DLGAP2: variants seen among roughly 807,000 people sequenced by gnomAD.
DLGAP2 encodes DLG associated protein 2.
Under a neutral mutation model 100.3 loss-of-function variants are expected in DLGAP2, and 26 were observed. The observed-to-expected ratio is 0.26, with a 90% CI of 0.19 to 0.36. The LOEUF is 0.36. Ranked by LOEUF, DLGAP2 falls within the 10% of genes least tolerant of loss-of-function variation. DLGAP2 has a pLI of 1.00. For missense variants in DLGAP2, 1,858 were observed against 1,453.2 expected, an observed-to-expected ratio of 1.28 and a Z score of -4.53; for synonymous variants, 886 against 630.1, an observed-to-expected ratio of 1.41 and a Z score of -6.08.
chr8:755,301 A>T (rs1036053572), intron 1 of DLGAP2, among the ~76,000 whole-genome samples: 8 of 152,232 alleles, frequency 5.3e-5, no homozygotes, highest in African/African-American at 9.6e-5. Context: ...TCTACAAAAA[A>T]TACTCAAATT....
chr8:1,174,949 A>G (rs1269344210), intron 2 of DLGAP2, among the ~76,000 whole-genome samples: 2 of 127,324 alleles, frequency 1.6e-5, no homozygotes, highest in African/African-American at 5.9e-5. Context: ...TTATGATGAT[A>G]AGAAAATTAA....
At chr8:1,650,829 C>T (rs2130809124) in intron 8 of DLGAP2, among the ~76,000 whole-genome samples, 1 of 145,794 alleles carries the variant, frequency 6.9e-6, no homozygotes, top group South Asian at 2.1e-4. Context: ...GTGACAGTTG[C>T]TGGAGCAGAG....
intron 2 of DLGAP2, among the ~76,000 whole-genome samples, chr8:1,230,898 A>G (rs1028040047): frequency 3.9e-5 from 6 of 152,246 alleles, no homozygotes; most frequent in African/African-American, 1.2e-4. Flanking sequence ...TCAAACTTCA[A>G]GAATCCTAAG....
intron 1 of DLGAP2, among the ~76,000 whole-genome samples, chr8:824,733 C>T (rs796904083): frequency 6.6e-6 from 1 of 152,154 alleles, no homozygotes; most frequent in East Asian, 1.9e-4. Context: ...TCAGAGGACC[C>T]AGGATCCAGA....
At chr8:1,543,028 C>T (rs1801415356) in intron 4 of DLGAP2, among the ~76,000 whole-genome samples, 1 of 152,138 alleles carries the variant, frequency 6.6e-6, no homozygotes, top group African/African-American at 2.4e-5. Context: ...AAATATTCAG[C>T]TCCTATGCCC....
chr8:1,171,904 G>A (rs1446724687), intron 2 of DLGAP2, among the ~76,000 whole-genome samples: 1 of 152,132 alleles, frequency 6.6e-6, no homozygotes, highest in Non-Finnish European at 1.5e-5. Flanking sequence ...ATATTGTTAT[G>A]TGTGAATTTG....
chr8:1,163,766 C>T (rs1223749516), intron 2 of DLGAP2, among the ~76,000 whole-genome samples: 1 of 152,182 alleles, frequency 6.6e-6, no homozygotes, highest in East Asian at 1.9e-4. Flanking sequence ...GCAGGACTTT[C>T]CTGCCTTCTG....
intron 1 of DLGAP2, among the ~76,000 whole-genome samples, chr8:812,875 A>T (rs1377468849): frequency 6.6e-6 from 1 of 152,186 alleles, no homozygotes; most frequent in Non-Finnish European, 1.5e-5. Flanking sequence ...CCATAGTAAA[A>T]TTCCTATTTA....
intron 2 of DLGAP2, among the ~76,000 whole-genome samples, chr8:1,152,697 C>T (rs938387958): frequency 6.6e-6 from 1 of 152,222 alleles, no homozygotes; most frequent in Non-Finnish European, 1.5e-5. Context: ...TCTTCCACCT[C>T]TTGGCATCAT....
intron 1 of DLGAP2, among the ~76,000 whole-genome samples, chr8:823,055 A>T (rs897650695): frequency 1.3e-5 from 2 of 151,506 alleles, no homozygotes; most frequent in African/African-American, 4.9e-5. Context: ...TCTAAATTTC[A>T]GGGGGGGCCA....
intron 2 of DLGAP2, among the ~76,000 whole-genome samples, chr8:1,161,664 G>A (rs557715950): frequency 3.3e-4 from 50 of 152,348 alleles, no homozygotes; most frequent in African/African-American, 1.1e-3. Flanking sequence ...GTAGGGAAAT[G>A]GAGCCTACCT....
At chr8:1,200,620 A>C (rs1476403589) in intron 2 of DLGAP2, among the ~76,000 whole-genome samples, 1 of 152,126 alleles carries the variant, frequency 6.6e-6, no homozygotes, top group African/African-American at 2.4e-5. Flanking sequence ...CCAAAGCGTC[A>C]CTTGCGCTGG....
intron 2 of DLGAP2, among the ~76,000 whole-genome samples, chr8:980,429 G>A (rs1163780689): frequency 6.6e-6 from 1 of 152,204 alleles, no homozygotes; most frequent in African/African-American, 2.4e-5. Context: ...CAGTTAAACT[G>A]CATGTAATCA....
At chr8:1,089,707 A>T (rs1349740237) in intron 2 of DLGAP2, among the ~76,000 whole-genome samples, 1 of 152,260 alleles carries the variant, frequency 6.6e-6, no homozygotes, top group African/African-American at 2.4e-5. Flanking sequence ...TTTATCATTT[A>T]TCATGGCAGT....
intron 1 of DLGAP2, among the ~76,000 whole-genome samples, chr8:741,703 C>T (rs1024757188): frequency 6.6e-6 from 1 of 152,234 alleles, no homozygotes; most frequent in Non-Finnish European, 1.5e-5. Context: ...CCTTTCCAGG[C>T]AGCAGCCAGC....
intron 2 of DLGAP2, among the ~76,000 whole-genome samples, chr8:951,497 C>T (rs188999644): frequency 1.2e-4 from 18 of 152,242 alleles, no homozygotes; most frequent in African/African-American, 2.6e-4. Context: ...GTGATCTGCC[C>T]GTCTTGGCCT....
intron 4 of DLGAP2, among the ~76,000 whole-genome samples, chr8:1,534,340 G>T (rs1426093154): frequency 6.6e-6 from 1 of 152,198 alleles, no homozygotes; most frequent in African/African-American, 2.4e-5. Flanking sequence ...GTTTACAACT[G>T]ATAGCAGCTT....
intron 2 of DLGAP2, among the ~76,000 whole-genome samples, chr8:1,095,455 C>T (rs1804336763): frequency 6.6e-6 from 1 of 152,168 alleles, no homozygotes; most frequent in Non-Finnish European, 1.5e-5. Context: ...ACTTGACTTC[C>T]TGGCGGTGAG....
At chr8:1,227,153 G>T (rs868805168) in intron 2 of DLGAP2, among the ~76,000 whole-genome samples, 10 of 89,694 alleles carry the variant, frequency 1.1e-4, no homozygotes, top group African/African-American at 2.6e-4. Flanking sequence ...GAAACTGTGA[G>T]ATATATATAT....
Sources: gnomAD v4.1 joint callset for allele counts (sites outside exome capture counted in the v4.1 genomes callset) on GRCh38, gnomAD v4.1.1 for gene constraint, MANE v1.5 for transcripts, NCBI Gene and HGNC (gene_info 2026-07-23, HGNC 2026-07-21) for gene names.